RPSA2: variants seen among roughly 807,000 people sequenced by gnomAD.
RPSA2 encodes the protein ribosomal protein SA 2.
chr19:23,834,726 A>G, the RPSA2 span, among the ~76,000 whole-genome samples: 2 of 152,066 alleles, frequency 1.3e-5, no homozygotes, highest in Non-Finnish European at 2.9e-5. Flanking sequence ...TCATGAATCC[A>G]TTGAAATGTT....
chr19:23,846,883 CCTGTATATGTATGT>C, the RPSA2 span, among the ~76,000 whole-genome samples: 1 of 152,088 alleles, frequency 6.6e-6, no homozygotes, highest in Admixed American at 6.5e-5. Context: ...TGCTGAGCTT[CCTGTATATGTATGT>C]CTAATTCTAT....
At chr19:23,845,193 T>C in the RPSA2 span, among the ~76,000 whole-genome samples, 1 of 52,024 alleles carries the variant, frequency 1.9e-5, no homozygotes, top group East Asian at 5.1e-4. Flanking sequence ...AAATTTTGTC[T>C]TTTTGAAAAA....
At chr19:23,793,331 C>G in the RPSA2 span, among the ~76,000 whole-genome samples, 2 of 145,414 alleles carry the variant, frequency 1.4e-5, no homozygotes, top group Non-Finnish European at 3.0e-5. Flanking sequence ...TTTCTTGGTT[C>G]AATACATTTA....
chr19:23,760,648 CATAT>C, the RPSA2 span, among the ~76,000 whole-genome samples: 41,590 of 135,610 alleles, frequency 0.31, 7,374 homozygotes, highest in East Asian at 0.68. Flanking sequence ...TTTCTTTCAA[CATAT>C]ATATATATAT....
chr19:23,844,176 T>C, the RPSA2 span, among the ~76,000 whole-genome samples: 1 of 152,200 alleles, frequency 6.6e-6, no homozygotes. Context: ...AATATATCTA[T>C]TGGTCATTTG....
chr19:23,846,745 T>C, the RPSA2 span, among the ~76,000 whole-genome samples: 1 of 152,216 alleles, frequency 6.6e-6, no homozygotes, highest in East Asian at 1.9e-4. Context: ...CTGATGTGGT[T>C]CTATTTATAA....
the RPSA2 span, among the ~76,000 whole-genome samples, chr19:23,816,299 G>GT: frequency 2.0e-5 from 3 of 151,990 alleles, no homozygotes; most frequent in Non-Finnish European, 4.4e-5. Context: ...CGCCTAGCCA[G>GT]TTTTTTGTGT....
the RPSA2 span, among the ~76,000 whole-genome samples, chr19:23,761,930 T>TCCTTC: frequency 3.1e-5 from 4 of 127,440 alleles, no homozygotes; most frequent in African/African-American, 6.2e-5. Context: ...CTTTTTTTTT[T>TCCTTC]TTTTTGAGAT....
chr19:23,768,279 T>G, the RPSA2 span, among the ~76,000 whole-genome samples: 5 of 152,188 alleles, frequency 3.3e-5, no homozygotes, highest in African/African-American at 1.2e-4. Flanking sequence ...GGAAAAATCT[T>G]TTTTCCATTA....
the RPSA2 span, among the ~76,000 whole-genome samples, chr19:23,786,611 C>CT: frequency 2.6e-5 from 4 of 151,908 alleles, no homozygotes; most frequent in African/African-American, 9.7e-5. Context: ...GGTGATGTAA[C>CT]TTTTTTTTTC....
chr19:23,791,832 T>G, the RPSA2 span, among the ~76,000 whole-genome samples: 2 of 151,450 alleles, frequency 1.3e-5, no homozygotes, highest in Non-Finnish European at 2.9e-5. Flanking sequence ...CTCCACCTTC[T>G]GGGTTCAAGC....
chr19:23,804,716 C>G, the RPSA2 span, among the ~76,000 whole-genome samples: 2 of 152,138 alleles, frequency 1.3e-5, no homozygotes, highest in African/African-American at 4.8e-5. Flanking sequence ...AATCGTATTA[C>G]ATAGAGTGGG....
At chr19:23,787,600 T>C in the RPSA2 span, among the ~76,000 whole-genome samples, 148,671 of 152,008 alleles carry the variant, frequency 0.98, 72,797 homozygotes, top group Middle Eastern at 1. Flanking sequence ...TAGAGTGAGA[T>C]TCCATCTCAA....
chr19:23,763,184 C>T, the RPSA2 span: 1 of 153,970 alleles, frequency 6.5e-6, no homozygotes, highest in South Asian at 1.8e-4. Context: ...GGCTGTGAAA[C>T]CAGCAGAACC....
At chr19:23,870,947 C>T in the RPSA2 span, among the ~76,000 whole-genome samples, 1 of 152,166 alleles carries the variant, frequency 6.6e-6, no homozygotes, top group Non-Finnish European at 1.5e-5. Context: ...AGGGGAGCCA[C>T]TCCCTGGTGC....
the RPSA2 span, among the ~76,000 whole-genome samples, chr19:23,790,115 C>CA: frequency 1.3e-5 from 2 of 152,084 alleles, no homozygotes; most frequent in African/African-American, 2.4e-5. Context: ...TTCTCTGTCT[C>CA]AGTCTCCTGA....
the RPSA2 span, among the ~76,000 whole-genome samples, chr19:23,867,071 G>T: frequency 1.3e-5 from 2 of 152,024 alleles, no homozygotes; most frequent in Non-Finnish European, 1.5e-5. Flanking sequence ...GGAAATAAAG[G>T]GTTTGGGAGC....
the RPSA2 span, among the ~76,000 whole-genome samples, chr19:23,816,881 C>T: frequency 6.6e-6 from 1 of 152,088 alleles, no homozygotes; most frequent in African/African-American, 2.4e-5. Context: ...AAGAGACCTG[C>T]CCCCATGATT....
chr19:23,824,920 G>C, the RPSA2 span, among the ~76,000 whole-genome samples: 9 of 150,050 alleles, frequency 6.0e-5, no homozygotes, highest in African/African-American at 2.2e-4. Flanking sequence ...CTTCTTCTAA[G>C]ATTTCCTAAA....
Sources: allele counts gnomAD v4.1 joint callset (sites outside exome capture counted in the v4.1 genomes callset), GRCh38; gene constraint gnomAD v4.1.1; transcripts MANE v1.5; gene names NCBI Gene and HGNC (gene_info 2026-07-23, HGNC 2026-07-21).